KATNAL1: variants seen among roughly 807,000 people sequenced by gnomAD.
KATNAL1 encodes the protein katanin catalytic subunit A1 like 1, also known as katanin p60 ATPase-containing subunit A-like 1.
In KATNAL1, 32 loss-of-function variants were observed where a neutral mutation model predicts 55.2. That is an observed-to-expected ratio of 0.58 (90% CI 0.44 to 0.78). KATNAL1 has a LOEUF of 0.78. Ranked by LOEUF, KATNAL1 falls within the 30% of genes least tolerant of loss-of-function variation. KATNAL1 has a pLI of 0.00. For synonymous variants in KATNAL1, 193 were observed against 193.6 expected, an observed-to-expected ratio of 1.00 and a Z score of 0.02; for missense variants, 466 against 600.9, an observed-to-expected ratio of 0.78 and a Z score of 2.35.
intron 3 of KATNAL1, among the ~76,000 whole-genome samples, chr13:30,276,946 A>G (rs1880889700): frequency 6.6e-6 from 1 of 152,212 alleles, no homozygotes; most frequent in Admixed American, 6.5e-5. Context: ...TGATGATAAT[A>G]TGCATATACA....
intron 1 of KATNAL1, among the ~76,000 whole-genome samples, chr13:30,296,894 C>T (rs1209558232): frequency 6.6e-6 from 1 of 152,090 alleles, no homozygotes; most frequent in African/African-American, 2.4e-5. Flanking sequence ...CCAAGGCCTT[C>T]TCATGCCTCC....
intron 6 of KATNAL1, among the ~76,000 whole-genome samples, chr13:30,235,054 A>G (rs1876517516): frequency 6.6e-6 from 1 of 152,220 alleles, no homozygotes; most frequent in Non-Finnish European, 1.5e-5. Context: ...AACCTCTGGG[A>G]AGAGGAAGAG....
intron 3 of KATNAL1, among the ~76,000 whole-genome samples, chr13:30,260,752 C>T (rs1161016125): frequency 2.7e-5 from 4 of 148,436 alleles, no homozygotes; most frequent in African/African-American, 4.9e-5. Context: ...GATTTGTGTA[C>T]CTGAAAGTGA....
intron 1 of KATNAL1, among the ~76,000 whole-genome samples, chr13:30,301,173 G>T (rs916981031): frequency 3.9e-5 from 6 of 152,160 alleles, no homozygotes; most frequent in Non-Finnish European, 7.3e-5. Context: ...TTCAAGACCA[G>T]CCTGGCCAAC....
At chr13:30,236,340 C>A (rs1432288383) in intron 6 of KATNAL1, among the ~76,000 whole-genome samples, 1 of 152,182 alleles carries the variant, frequency 6.6e-6, no homozygotes, top group Non-Finnish European at 1.5e-5. Context: ...GAAAACTGTG[C>A]TCTCAACCTG....
At chr13:30,300,455 G>A (rs1264560022) in intron 1 of KATNAL1, among the ~76,000 whole-genome samples, 1 of 151,468 alleles carries the variant, frequency 6.6e-6, no homozygotes, top group East Asian at 1.9e-4. Flanking sequence ...AACAAATCAA[G>A]TTTTATTTTC....
chr13:30,295,378 G>A (rs2137561123), intron 1 of KATNAL1, among the ~76,000 whole-genome samples: 1 of 152,316 alleles, frequency 6.6e-6, no homozygotes, highest in East Asian at 1.9e-4. Context: ...CTTTATTGGA[G>A]GAAATCACTG....
At chr13:30,230,811 T>C (rs1486595108) in intron 7 of KATNAL1, among the ~76,000 whole-genome samples, 2 of 152,216 alleles carry the variant, frequency 1.3e-5, no homozygotes, top group African/African-American at 4.8e-5. Flanking sequence ...GGGTGATAGA[T>C]ACATAGGGGT....
At chr13:30,295,171 G>A (rs1192812920) in intron 1 of KATNAL1, among the ~76,000 whole-genome samples, 1 of 152,144 alleles carries the variant, frequency 6.6e-6, no homozygotes, top group Non-Finnish European at 1.5e-5. Context: ...ATTTTTTAAG[G>A]CTATAGGTGC....
intron 6 of KATNAL1, among the ~76,000 whole-genome samples, chr13:30,233,393 A>G (rs1876304757): frequency 6.6e-6 from 1 of 152,206 alleles, no homozygotes; most frequent in Non-Finnish European, 1.5e-5. Flanking sequence ...AATTCAAGTT[A>G]AAACCAAAAT....
chr13:30,245,860 A>G (rs1298150113), intron 4 of KATNAL1, among the ~76,000 whole-genome samples: 2 of 152,194 alleles, frequency 1.3e-5, no homozygotes, highest in African/African-American at 4.8e-5. Flanking sequence ...GGACCTCTTC[A>G]AGGAGAACTA....
At chr13:30,241,696 A>G (rs1877297195) in intron 4 of KATNAL1, among the ~76,000 whole-genome samples, 1 of 152,192 alleles carries the variant, frequency 6.6e-6, no homozygotes, top group Non-Finnish European at 1.5e-5. Context: ...AGTAAAAACA[A>G]AACAAGAAAA....
chr13:30,217,483 C>G (rs1281712843), intron 9 of KATNAL1, among the ~76,000 whole-genome samples: 1 of 152,144 alleles, frequency 6.6e-6, no homozygotes, highest in East Asian at 1.9e-4. Context: ...ATTCAATAAG[C>G]TTGTGAAAAG....
intron 4 of KATNAL1, among the ~76,000 whole-genome samples, chr13:30,250,631 T>C (rs905222948): frequency 4.6e-5 from 7 of 152,200 alleles, no homozygotes; most frequent in African/African-American, 1.7e-4. Flanking sequence ...TCCCTAGACT[T>C]ACTCATGAGA....
At chr13:30,255,003 C>A (rs1259841594) in intron 4 of KATNAL1, among the ~76,000 whole-genome samples, 1 of 152,158 alleles carries the variant, frequency 6.6e-6, no homozygotes, top group Non-Finnish European at 1.5e-5. Flanking sequence ...GAAAAAAAAT[C>A]TTGTTCTACT....
chr13:30,217,891 G>A (rs1024535481), intron 9 of KATNAL1, among the ~76,000 whole-genome samples: 2 of 152,176 alleles, frequency 1.3e-5, no homozygotes, highest in African/African-American at 4.8e-5. Flanking sequence ...GGAGACAGAA[G>A]TGTCCTTTTC....
At chr13:30,290,500 A>T (rs1042302998) in intron 1 of KATNAL1, among the ~76,000 whole-genome samples, 1 of 152,232 alleles carries the variant, frequency 6.6e-6, no homozygotes, top group Admixed American at 6.5e-5. Flanking sequence ...CTCCTTTATC[A>T]ATTAATGAAA....
chr13:30,306,873 GC>G (rs1883214641), intron 1 of KATNAL1: 1 of 152,430 alleles, frequency 6.6e-6, no homozygotes, highest in South Asian at 2.1e-4. Context: ...CGGTGGCCCA[GC>G]CGGGGTGGGG....
intron 9 of KATNAL1, among the ~76,000 whole-genome samples, chr13:30,224,590 T>C (rs1004120700): frequency 3.3e-5 from 5 of 150,972 alleles, no homozygotes; most frequent in African/African-American, 7.3e-5. Context: ...CCTTAGTTTC[T>C]AACTTCAGAT....
Sources: gnomAD v4.1 joint callset for allele counts (sites outside exome capture counted in the v4.1 genomes callset) on GRCh38, gnomAD v4.1.1 for gene constraint, MANE v1.5 for transcripts, NCBI Gene and HGNC (gene_info 2026-07-23, HGNC 2026-07-21) for gene names.